Variants in KCNK12 observed in about 807,000 individuals in gnomAD.
The protein encoded by KCNK12 is potassium channel subfamily K member 12.
Under a neutral mutation model 25.3 loss-of-function variants are expected in KCNK12, and 6 were observed. The observed-to-expected ratio is 0.24, with a 90% CI of 0.13 to 0.47. KCNK12 has a LOEUF of 0.47. Ranked by LOEUF, KCNK12 falls within the 20% of genes least tolerant of loss-of-function variation. The probability of loss-of-function intolerance (pLI) is 0.99; values close to 1 mark genes in which losing one functional copy is unlikely to be tolerated. For missense variants in KCNK12, 444 were observed against 661.7 expected, an observed-to-expected ratio of 0.67 and a Z score of 3.61; for synonymous variants, 331 against 311.1, an observed-to-expected ratio of 1.06 and a Z score of -0.67.
At chr2:47,537,872 G>A (rs928136140) in intron 1 of KCNK12, among the ~76,000 whole-genome samples, 8 of 152,198 alleles carry the variant, frequency 5.3e-5, no homozygotes, top group African/African-American at 1.9e-4. Context: ...CGGTTTGGGA[G>A]GGTGCCCCAG....
At position 47,570,158 on chromosome 2, in the gene KCNK12, C is replaced by A. The variant is rs762451758; in HGVS notation, c.174G>T (p.Ser58=). ...LYLVAGATVF[S]ALESPGEAEA... The stretch of plus-strand genomic sequence containing the variant: ...CCGCCTCGCCGGGGCTCTCGAGCGC[C>A]GAGAAGACTGTGGCACCCGCCACCA... Residue 58 remains serine (S), a synonymous_variant, in exon 1 of 2, where the codon TCG becomes TCT. Coordinates refer to ENST00000327876, the MANE Select transcript of KCNK12 (RefSeq NM_022055.2). 3.4e-6 allele frequency: 5 copies of A among 1,474,840 alleles called. No homozygotes were observed. Among genetic ancestry groups the A allele is most frequent in the African/African-American group, 1.5e-5 (1 of 68,604 alleles). The allele number at this position is 1,474,840 out of a possible 1,614,324, so 91.4% of individuals were successfully genotyped here. A position where few individuals can be genotyped will look rare whatever the true frequency, so the allele number is the denominator to read the frequency against.
Position 47,533,167 on chromosome 2 carries a change from C to T in KCNK12, c.392-11359G>A, listed in dbSNP as rs991839535. On this transcript the variant is annotated intron_variant, in intron 1 of 1. Coordinates refer to ENST00000327876, the MANE Select transcript of KCNK12 (RefSeq NM_022055.2). This position sits in a 1 kb window ranked among gnomAD's most constrained non-coding sequence, Gnocchi z 4.7. ...CTGGGACTACAGGTGCGTGCCACCA[C>T]ATCTGGCTAATTTTTGTATTTTTAG... 1.3e-5 allele frequency among the ~76,000 whole-genome samples: 2 copies of T among 152,220 alleles called. No homozygotes were observed. Among genetic ancestry groups the T allele is most frequent in the African/African-American group, 4.8e-5 (2 of 41,538 alleles).
At position 47,529,434 on chromosome 2, in the gene KCNK12, C is replaced by T. The variant is rs1668870403; in HGVS notation, c.392-7626G>A. Among the ~76,000 whole-genome samples the T allele has an allele frequency of 6.6e-6, 1 of 152,186 alleles. No homozygotes were observed. The highest frequency in any genetic ancestry group is 1.5e-5 in the Non-Finnish European group (1 of 68,038). On this transcript the variant is annotated intron_variant, in intron 1 of 1. Coordinates refer to ENST00000327876, the MANE Select transcript of KCNK12 (RefSeq NM_022055.2). This position sits in a 1 kb window ranked among gnomAD's most constrained non-coding sequence, Gnocchi z 4.3. ...AATGTTAATAAGGTATTCCAGATGACCCTATTGGTTGGAATCTGTCCAACT... is the reference window on the plus strand; with the variant it reads ...AATGTTAATAAGGTATTCCAGATGATCCTATTGGTTGGAATCTGTCCAACT...
chr2:47,534,020 C>A (rs115700047), intron 1 of KCNK12, among the ~76,000 whole-genome samples: 1 of 151,906 alleles, frequency 6.6e-6, no homozygotes, highest in African/African-American at 2.4e-5. Flanking sequence ...AGGTGACTTT[C>A]TTCATTTGAT....
chr2:47,535,006 C>G, intron 1 of KCNK12: 1 of 227,258 alleles, frequency 4.4e-6, no homozygotes, highest in Non-Finnish European at 8.7e-6. Context: ...TTCCATGGAG[C>G]TACAAGCCAC....
Position 47,521,428 on chromosome 2 carries a change from C to A in KCNK12, c.772G>T (p.Gly258Cys). The change falls in exon 2 of 2, where the codon GGC becomes TGC. Residue 258 changes from glycine (G) to cysteine (C), a missense_variant. Coordinates refer to ENST00000327876, the MANE Select transcript of KCNK12 (RefSeq NM_022055.2). ...YFCFVTFSTIGFGDLVSSQHA... is the reference protein window; with the variant it reads ...YFCFVTFSTICFGDLVSSQHA... ...TGGCTGCTCACCAGGTCCCCGAAGC[C>A]GATGGTGCTGAAGGTGACGAAGCAG... 1 of 1,613,542 alleles carries A rather than the reference C, an allele frequency of 6.2e-7. No homozygotes were observed. Among genetic ancestry groups the A allele is most frequent in the Non-Finnish European group, 8.5e-7 (1 of 1,179,842 alleles).
At chr2:47,523,462 A>G (rs528026083) in intron 1 of KCNK12, among the ~76,000 whole-genome samples, 9 of 152,364 alleles carry the variant, frequency 5.9e-5, no homozygotes, top group South Asian at 4.1e-4. Context: ...TGGGAGGTCT[A>G]TACAACTGCG....
intron 1 of KCNK12, among the ~76,000 whole-genome samples, chr2:47,549,927 C>A (rs1669390836): frequency 1.3e-5 from 2 of 150,394 alleles, no homozygotes; most frequent in Admixed American, 1.3e-4. Flanking sequence ...GAGCAAGACT[C>A]CACCTCGAAA....
chr2:47,546,138 G>A (rs1669309157), intron 1 of KCNK12, among the ~76,000 whole-genome samples: 2 of 152,210 alleles, frequency 1.3e-5, no homozygotes, highest in Non-Finnish European at 2.9e-5. Context: ...AGAACTGTGA[G>A]TCCCAATGAT....
In KCNK12 at chr2:47,560,302, T is replaced by C. The variant is rs1669636737; in HGVS notation, c.391+9639A>G. ...AGCACGTGCTCTACCCTCTCCGATC[T>C]GGTTGGCAGCCTCCTTCACAGAGAG... On this transcript the variant is annotated intron_variant, in intron 1 of 1. Transcript: ENST00000327876. This position sits in a 1 kb window ranked among gnomAD's most constrained non-coding sequence, Gnocchi z 4.7. Among the ~76,000 whole-genome samples, 1 of 152,230 alleles carries C rather than the reference T, an allele frequency of 6.6e-6. No homozygotes were observed. Among genetic ancestry groups the C allele is most frequent in the Admixed American group, 6.5e-5 (1 of 15,286 alleles).
At position 47,513,866 on chromosome 2, in the gene KCNK12, T is replaced by G. The variant is rs956447937; in HGVS notation, c.*7041A>C. Reference sequence around the variant, plus strand: ...CTCTTTCGGGTGTCCCTCAAATCTCTCCACGTCTCTGTGTTCTCACTAGCA... The same window carrying G: ...CTCTTTCGGGTGTCCCTCAAATCTCGCCACGTCTCTGTGTTCTCACTAGCA... On this transcript the variant is annotated 3_prime_UTR_variant, in exon 2 of 2. Transcript: ENST00000327876. Among the ~76,000 whole-genome samples the G allele has an allele frequency of 2.0e-5, 3 of 152,172 alleles. No homozygotes were observed. The highest frequency in any genetic ancestry group is 7.2e-5 in the African/African-American group (3 of 41,444).
Position 47,528,183 on chromosome 2 carries a change from G to A in KCNK12, c.392-6375C>T, listed in dbSNP as rs144557236. ...TGTAACACCATCTGCCCAGAATGAA[G>A]GGACAGGTGAGGCAGAAGGGTCTCC... On this transcript the variant is annotated intron_variant, in intron 1 of 1. Coordinates refer to ENST00000327876, the MANE Select transcript of KCNK12 (RefSeq NM_022055.2). This position sits in a 1 kb window ranked among gnomAD's most constrained non-coding sequence, Gnocchi z 4.5. 1 of 152,408 alleles carries A rather than the reference G, an allele frequency of 6.6e-6. No individual in the cohort carries two copies. Among genetic ancestry groups the A allele is most frequent in the East Asian group, 1.9e-4 (1 of 5,190 alleles). The allele number at this position is 152,408 out of a possible 1,614,324, so 9.4% of individuals were successfully genotyped here.
chr2:47,545,138 G>C (rs1457722562), intron 1 of KCNK12, among the ~76,000 whole-genome samples: 1 of 152,200 alleles, frequency 6.6e-6, no homozygotes, highest in South Asian at 2.1e-4. Context: ...GTGCTAGGAG[G>C]TTAGATCATC....
chr2:47,567,201 C>T (rs1359870951), intron 1 of KCNK12: 1 of 152,190 alleles, frequency 6.6e-6, no homozygotes, highest in Admixed American at 6.5e-5. Context: ...TTTTGTTCCC[C>T]TGAATTCCAC....
chr2:47,521,871 G>A, intron 1 of KCNK12, 63 bp from the exon 2 acceptor site: 1 of 1,284,926 alleles, frequency 7.8e-7, no homozygotes, highest in Admixed American at 3.3e-5. Context: ...CTGGGCGAGG[G>A]TGGGGGGTGT....
Position 47,547,922 on chromosome 2 carries a change from C to T in KCNK12, c.391+22019G>A, listed in dbSNP as rs1348686354. On this transcript the variant is annotated intron_variant, in intron 1 of 1. Coordinates refer to ENST00000327876, the MANE Select transcript of KCNK12 (RefSeq NM_022055.2). This position sits in a 1 kb window ranked among gnomAD's most constrained non-coding sequence, Gnocchi z 5.0. ...AAATCTCATGTTGAATTATAATCCC[C>T]AATGTTGGAGGAGGGGCGTGGTGGG... Among the ~76,000 whole-genome samples the T allele has an allele frequency of 6.6e-6, 1 of 152,146 alleles. No homozygotes were observed. Among genetic ancestry groups the T allele is most frequent in the Non-Finnish European group, 1.5e-5 (1 of 68,022 alleles).
At chr2:47,567,847 C>G (rs1353263869) in intron 1 of KCNK12, among the ~76,000 whole-genome samples, 1 of 152,164 alleles carries the variant, frequency 6.6e-6, no homozygotes, top group Non-Finnish European at 1.5e-5. Flanking sequence ...GACTAAAGAA[C>G]AGTCAATCCT....
Position 47,525,797 on chromosome 2 carries a change from C to A in KCNK12, c.392-3989G>T, listed in dbSNP as rs970990037. 6.6e-6 allele frequency among the ~76,000 whole-genome samples: 1 copy of A among 152,160 alleles called. No homozygotes were observed. Among genetic ancestry groups the A allele is most frequent in the East Asian group, 1.9e-4 (1 of 5,168 alleles). ...GGCAGTGCCCACTCAGGGAATGGGG[C>A]AGGGAGTGGTCCCTGTGCAGGGCTC... On this transcript the variant is annotated intron_variant, in intron 1 of 1. Coordinates refer to ENST00000327876, the MANE Select transcript of KCNK12 (RefSeq NM_022055.2). The surrounding 1 kb of genome is among the most constrained non-coding windows in gnomAD (Gnocchi z 4.1).
At chr2:47,545,613 C>G (rs936922054) in intron 1 of KCNK12, among the ~76,000 whole-genome samples, 1 of 152,222 alleles carries the variant, frequency 6.6e-6, no homozygotes, top group South Asian at 2.1e-4. Flanking sequence ...AGAATCTCAG[C>G]TCTGTCACTT....
Sources: gnomAD v4.1 joint callset for allele counts (sites outside exome capture counted in the v4.1 genomes callset) on GRCh38, gnomAD v4.1.1 for gene constraint, Gnocchi (gnomAD v3.1) non-coding constraint, MANE v1.5 for transcripts, NCBI Gene and HGNC (gene_info 2026-07-23, HGNC 2026-07-21) for gene names.